BCKDHB: variants seen among roughly 807,000 people sequenced by gnomAD.
BCKDHB encodes 2-oxoisovalerate dehydrogenase subunit beta, mitochondrial.
A neutral mutation model predicts 48.5 loss-of-function variants in BCKDHB; 41 were observed. The observed-to-expected ratio is 0.85, with a 90% CI of 0.66 to 1.10. The LOEUF is 1.10. Among genes scored for constraint, BCKDHB ranks in the 50% least tolerant of loss-of-function variants. The probability of loss-of-function intolerance (pLI) is 0.00; values close to 1 mark genes in which losing one functional copy is unlikely to be tolerated. For missense variants in BCKDHB, 496 were observed against 494.2 expected (o/e 1.00, Z -0.03); for synonymous variants, 201 against 174.8 (o/e 1.15, Z -1.18).
intron 9 of BCKDHB, among the ~76,000 whole-genome samples, chr6:80,330,466 C>A (rs2128008587): frequency 6.6e-6 from 1 of 152,276 alleles, no homozygotes; most frequent in Non-Finnish European, 1.5e-5. Flanking sequence ...GATCCCTGCT[C>A]CATGTCAGTC....
At chr6:80,153,551 A>C (rs1358544270) in intron 3 of BCKDHB, among the ~76,000 whole-genome samples, 1 of 152,072 alleles carries the variant, frequency 6.6e-6, no homozygotes, top group Non-Finnish European at 1.5e-5. Context: ...CTCAGTGCCA[A>C]TTGTCAGGGG....
intron 8 of BCKDHB, among the ~76,000 whole-genome samples, chr6:80,208,759 A>G (rs1413026336): frequency 6.6e-6 from 1 of 151,886 alleles, no homozygotes; most frequent in Non-Finnish European, 1.5e-5. Flanking sequence ...GTCATGATCT[A>G]TTAAAAAATT....
intron 8 of BCKDHB, among the ~76,000 whole-genome samples, chr6:80,270,012 G>T (rs2127960641): frequency 6.6e-6 from 1 of 152,102 alleles, no homozygotes; most frequent in East Asian, 1.9e-4. Context: ...AGACAGAATA[G>T]AAAGAAATAA....
chr6:80,448,272 G>A, the BCKDHB span, among the ~76,000 whole-genome samples: 1 of 152,218 alleles, frequency 6.6e-6, no homozygotes, highest in African/African-American at 2.4e-5. Flanking sequence ...GGAAGATGAA[G>A]TAAGGCAGGG....
At chr6:80,122,288 A>G (rs1299836120) in intron 1 of BCKDHB, among the ~76,000 whole-genome samples, 1 of 152,232 alleles carries the variant, frequency 6.6e-6, no homozygotes, top group Non-Finnish European at 1.5e-5. Context: ...ATTGATGTTC[A>G]TCAGGGATAT....
chr6:80,365,985 C>T, the BCKDHB span, among the ~76,000 whole-genome samples: 1 of 152,270 alleles, frequency 6.6e-6, no homozygotes, highest in South Asian at 2.1e-4. Context: ...TGATATTAGT[C>T]TTTCAGGTAT....
At chr6:80,232,724 ATATG>A (rs1376896071) in intron 8 of BCKDHB, among the ~76,000 whole-genome samples, 9 of 146,356 alleles carry the variant, frequency 6.1e-5, no homozygotes, top group African/African-American at 1.0e-4. Context: ...TATTAAAGAG[ATATG>A]TATGTTCTAT....
At chr6:80,263,939 A>G (rs1777406191) in intron 8 of BCKDHB, among the ~76,000 whole-genome samples, 1 of 152,122 alleles carries the variant, frequency 6.6e-6, no homozygotes, top group African/African-American at 2.4e-5. Context: ...AAAATTTGCC[A>G]AGTGGGGACT....
At chr6:80,280,901 A>G (rs1032880963) in intron 9 of BCKDHB, among the ~76,000 whole-genome samples, 1 of 152,114 alleles carries the variant, frequency 6.6e-6, no homozygotes, top group African/African-American at 2.4e-5. Context: ...GTGGGGATTG[A>G]AGTGGATGAG....
chr6:80,140,864 G>C (rs1386612166), intron 3 of BCKDHB, among the ~76,000 whole-genome samples: 2 of 152,174 alleles, frequency 1.3e-5, no homozygotes, highest in Admixed American at 6.6e-5. Flanking sequence ...GATTGGAATA[G>C]TTTCAGAAGG....
intron 8 of BCKDHB, among the ~76,000 whole-genome samples, chr6:80,247,300 A>T (rs974801117): frequency 1.3e-5 from 2 of 152,232 alleles, no homozygotes; most frequent in African/African-American, 4.8e-5. Flanking sequence ...TAAAGCAACA[A>T]GATTAGTAAG....
the BCKDHB span, among the ~76,000 whole-genome samples, chr6:80,401,631 A>G: frequency 6.6e-6 from 1 of 151,808 alleles, no homozygotes; most frequent in African/African-American, 2.4e-5. Flanking sequence ...CATTAAGTAT[A>G]CAACATGGTA....
chr6:80,420,452 G>A, the BCKDHB span, among the ~76,000 whole-genome samples: 5 of 152,170 alleles, frequency 3.3e-5, no homozygotes, highest in Admixed American at 6.5e-5. Flanking sequence ...GGTGCTAAGA[G>A]CATCCTGTTT....
chr6:80,270,876 C>T (rs547619716), intron 8 of BCKDHB, among the ~76,000 whole-genome samples: 3 of 152,024 alleles, frequency 2.0e-5, no homozygotes, highest in Non-Finnish European at 4.4e-5. Context: ...ATCACAAAAA[C>T]ATTATTATGT....
chr6:80,314,364 G>A (rs1195721591), intron 9 of BCKDHB, among the ~76,000 whole-genome samples: 1 of 152,208 alleles, frequency 6.6e-6, no homozygotes, highest in Non-Finnish European at 1.5e-5. Flanking sequence ...GTACTTTACT[G>A]AGGACCCCTT....
intron 9 of BCKDHB, among the ~76,000 whole-genome samples, chr6:80,278,503 C>G (rs1158592539): frequency 6.6e-6 from 1 of 152,146 alleles, no homozygotes; most frequent in Non-Finnish European, 1.5e-5. Context: ...CTAACCACAC[C>G]TGGTCTGCTT....
intron 9 of BCKDHB, among the ~76,000 whole-genome samples, chr6:80,279,072 A>G (rs1186888741): frequency 6.6e-6 from 1 of 152,160 alleles, no homozygotes; most frequent in Non-Finnish European, 1.5e-5. Context: ...AGCTTATATA[A>G]AAATGAACTC....
chr6:80,287,540 C>G (rs1249942993), intron 9 of BCKDHB, among the ~76,000 whole-genome samples: 2 of 151,532 alleles, frequency 1.3e-5, no homozygotes, highest in African/African-American at 2.4e-5. Flanking sequence ...GTTCTTGTCT[C>G]CCAACCAGGA....
At chr6:80,305,295 A>ATT (rs1767804416) in intron 9 of BCKDHB, among the ~76,000 whole-genome samples, 1 of 152,126 alleles carries the variant, frequency 6.6e-6, no homozygotes, top group Non-Finnish European at 1.5e-5. Context: ...GACTTAAAAT[A>ATT]ATTAACATTT....
Sources: gnomAD v4.1 joint callset for allele counts (sites outside exome capture counted in the v4.1 genomes callset) on GRCh38, gnomAD v4.1.1 for gene constraint, MANE v1.5 for transcripts, NCBI Gene and HGNC (gene_info 2026-07-23, HGNC 2026-07-21) for gene names.